The following DMAC2L variants were observed in gnomAD, a reference collection of about 807,000 sequenced individuals.
The protein encoded by DMAC2L is ATP synthase subunit s, mitochondrial.
A neutral mutation model predicts 22.5 loss-of-function variants in DMAC2L; 21 were observed. That is an observed-to-expected ratio of 0.93 (90% confidence interval 0.66 to 1.34). The LOEUF is 1.34. Ranked by LOEUF, DMAC2L falls within the 40% of genes most tolerant of loss-of-function variation. The pLI is 0.00. For synonymous variants in DMAC2L, 86 were observed against 89.5 expected, an observed-to-expected ratio of 0.96 and a Z score of 0.22; for missense variants, 239 against 246.5, an observed-to-expected ratio of 0.97 and a Z score of 0.20.
rs1003182439 is a variant in DMAC2L at position 50,326,887 on chromosome 14, A to T, written c.*1164A>T. The T allele has an allele frequency of 1.1e-5, 4 of 369,046 alleles. No homozygotes were observed. Among genetic ancestry groups the T allele is most frequent in the East Asian group, 1.6e-4 (1 of 6,092 alleles). 22.9% of individuals were successfully genotyped at this position (369,046 alleles called of 1,614,324 possible). ...GAGACCCCATCTCTAAAAAAATTTT[A>T]AAAATTAGGCAGGCATGGTGGTGCA... On this transcript the variant is annotated 3_prime_UTR_variant, in exon 6 of 6. Transcript: ENST00000557421.
At chr14:50,325,527 A>G in intron 5 of DMAC2L, 82 bp from the exon 6 acceptor site, 3 of 1,446,900 alleles carry the variant, frequency 2.1e-6, no homozygotes, top group Non-Finnish European at 9.4e-7. Flanking sequence ...TTTCTACATA[A>G]TTTTCTTTCT....
chr14:50,318,005 A>C (rs539386867), intron 2 of DMAC2L, among the ~76,000 whole-genome samples: 5 of 152,270 alleles, frequency 3.3e-5, no homozygotes, highest in African/African-American at 9.6e-5. Context: ...TGAGATGATC[A>C]TGTGATTTTT....
At position 50,323,961 on chromosome 14, in the gene DMAC2L, T is replaced by C; in HGVS notation, c.333T>C (p.Val111=). 1 of 1,610,910 alleles carries C rather than the reference T, an allele frequency of 6.2e-7. No individual in the cohort carries two copies. Among genetic ancestry groups the C allele is most frequent in the South Asian group, 1.1e-5 (1 of 90,438 alleles). ...TCTCCCCAGAGGGCCTAGAGCATGT[T>C]GAAAAAATAAGGCTGTGCAAGTGTC... ...GFDHMEGLEH[V]EKIRLCKCHY... Residue 111 remains valine, a synonymous_variant, in exon 5 of 6, where the codon GTT becomes GTC. Transcript: ENST00000557421.
At chr14:50,322,432 T>C in intron 3 of DMAC2L, 79 bp from the exon 4 acceptor site, 3 of 1,402,716 alleles carry the variant, frequency 2.1e-6, no homozygotes, top group Non-Finnish European at 2.9e-6. Flanking sequence ...TTGCGTTCTG[T>C]ATTATTTATG....
At chr14:50,321,363 T>C (rs528684512) in intron 2 of DMAC2L, 120 bp from the exon 3 acceptor site, 300 of 1,404,348 alleles carry the variant, frequency 2.1e-4, no homozygotes, top group Non-Finnish European at 2.6e-4. Context: ...TGCTCAGTAA[T>C]TGTTGAGTGG....
intron 4 of DMAC2L, 102 bp downstream of exon 4, chr14:50,322,821 C>G: frequency 6.4e-7 from 1 of 1,555,480 alleles, no homozygotes; most frequent in Non-Finnish European, 8.7e-7. Context: ...GTCCTTTTTG[C>G]CCATTTCATT....
At chr14:50,322,291 T>G (rs1044918959) in intron 3 of DMAC2L, among the ~76,000 whole-genome samples, 16 of 152,232 alleles carry the variant, frequency 1.1e-4, no homozygotes. Context: ...TTGACAGCGT[T>G]CACGTGGAAA....
chr14:50,312,395 T>G lies in DMAC2L; in HGVS notation c.-42+6T>G, dbSNP rs988646066. 3.6e-6 allele frequency: 2 copies of G among 555,796 alleles called. No homozygotes were observed. The highest frequency in any genetic ancestry group is 6.4e-6 in the Non-Finnish European group (2 of 312,914). 34.4% of individuals were successfully genotyped at this position (555,796 alleles called of 1,614,324 possible). ...CCCTCCCTCCCTCCGACGCTGTGAG[T>G]AGAGAAGCTAGGCCCCGAGCCGGGC... On this transcript the variant is annotated splice_donor_region_variant and intron_variant, in intron 1 of 5. Coordinates refer to ENST00000557421, the MANE Select transcript of DMAC2L (RefSeq NM_001382507.1).
chr14:50,324,172 G>A, intron 5 of DMAC2L, 56 bp downstream of exon 5: 2 of 1,492,816 alleles, frequency 1.3e-6, no homozygotes, highest in Non-Finnish European at 1.8e-6. Flanking sequence ...TGAATAGTTA[G>A]AATTTAATTG....
In DMAC2L at chr14:50,320,360, C is replaced by T. The variant is rs1160378271; in HGVS notation, c.-5-1123C>T. 7.9e-5 allele frequency among the ~76,000 whole-genome samples: 12 copies of T among 152,258 alleles called. No homozygotes were observed. In the East Asian group the frequency reaches 2.3e-3, roughly 29 times the overall value. ...TCCTGACCTCGTGATCTGCCTGCCT[C>T]GGCCTCCCAAAGGGCCAGTGCTTTG... On this transcript the variant is annotated intron_variant, in intron 2 of 5. Coordinates refer to ENST00000557421, the MANE Select transcript of DMAC2L (RefSeq NM_001382507.1).
At chr14:50,322,996 G>A (rs2032408031) in intron 4 of DMAC2L, 3 of 1,322,550 alleles carry the variant, frequency 2.3e-6, no homozygotes, top group South Asian at 3.9e-5. Context: ...AACTATCTTT[G>A]TCAAACTTCT....
chr14:50,325,910 G>T lies in DMAC2L; in HGVS notation c.*187G>T. 8.1e-7 allele frequency: 1 copy of T among 1,236,810 alleles called. No homozygotes were observed. Among genetic ancestry groups the T allele is most frequent in the Non-Finnish European group, 1.0e-6 (1 of 984,266 alleles). 76.6% of individuals were successfully genotyped at this position (1,236,810 alleles called of 1,614,324 possible). On this transcript the variant is annotated 3_prime_UTR_variant, in exon 6 of 6. Transcript: ENST00000557421. ...TCATTAATGTTACTAAGTTGGAAGT[G>T]AGAATTTATGAACATTAATTCATTT...
Position 50,321,536 on chromosome 14 carries a change from C to T in DMAC2L, c.49C>T (p.Leu17Phe). 6.2e-7 allele frequency: 1 copy of T among 1,614,084 alleles called. No homozygotes were observed. Among genetic ancestry groups the T allele is most frequent in the Non-Finnish European group, 8.5e-7 (1 of 1,179,976 alleles). ...CCAGCAGTTGTGTGGCGTAAAGAAA[C>T]TCCCATGGTCATGTGACTCCAGATA... ...ISQQLCGVKK[L>F]PWSCDSRYFW... Residue 17 changes from leucine to phenylalanine, a missense_variant, in exon 3 of 6, where the codon CTC becomes TTC. Physicochemically the swap from Leu to Phe is conservative, Grantham distance 22. Transcript: ENST00000557421.
Position 50,322,571 on chromosome 14 carries a change from G to A in DMAC2L, c.168G>A (p.Leu56=). The change falls in exon 4 of 6, where the codon CTG becomes CTA. Residue 56 remains leucine (L), a synonymous_variant. Transcript: ENST00000557421. ...GPDRAASEWL[L]RCGAMVRYHG... ...ACAGGGCGGCATCCGAGTGGTTGCT[G>A]CGCTGTGGGGCCATGGTGCGCTACC... 1 of 1,614,146 alleles carries A rather than the reference G, an allele frequency of 6.2e-7. No individual in the cohort carries two copies. The highest frequency in any genetic ancestry group is 8.5e-7 in the Non-Finnish European group (1 of 1,180,006).
chr14:50,323,454 C>T (rs996762320), intron 4 of DMAC2L, among the ~76,000 whole-genome samples: 4 of 137,676 alleles, frequency 2.9e-5, no homozygotes, highest in East Asian at 4.7e-4. Context: ...AGTGCAGTGG[C>T]GTGATCTTGG....
intron 5 of DMAC2L, among the ~76,000 whole-genome samples, chr14:50,325,025 C>T (rs1212073221): frequency 6.6e-5 from 10 of 152,216 alleles, no homozygotes; most frequent in African/African-American, 2.2e-4. Flanking sequence ...CCGCCCGCCT[C>T]GGCCTCCCAA....
At chr14:50,312,229 C>T (rs2031280733), upstream of DMAC2L, 11 of 1,565,340 alleles carry the variant, frequency 7.0e-6, no homozygotes, top group South Asian at 1.2e-5. Flanking sequence ...CGCTCTTTAG[C>T]CCCGCCCCTC....
chr14:50,321,251 A>T, intron 2 of DMAC2L: 1 of 579,190 alleles, frequency 1.7e-6, no homozygotes, highest in Non-Finnish European at 2.4e-6. Context: ...AGTGGAACTT[A>T]ACGTTCTAGC....
At position 50,327,704 on chromosome 14, in the gene DMAC2L, C is replaced by T. The variant is rs1322205655; in HGVS notation, c.*1981C>T. On this transcript the variant is annotated 3_prime_UTR_variant, in exon 6 of 6. Coordinates refer to ENST00000557421, the MANE Select transcript of DMAC2L (RefSeq NM_001382507.1). ...GGTCTTGAACTCCTAACCTCAGGAT[C>T]CACCCGCCTCGGCCTCCCAAAGTGC... 3.9e-5 allele frequency: 6 copies of T among 152,184 alleles called. No homozygotes were observed. In the South Asian group the frequency reaches 6.2e-4, roughly 16 times the overall value. The allele number at this position is 152,184 out of a possible 1,614,324, so 9.4% of individuals were successfully genotyped here.
Sources: allele counts gnomAD v4.1 joint callset (sites outside exome capture counted in the v4.1 genomes callset), GRCh38; gene constraint gnomAD v4.1.1; transcripts MANE v1.5; gene names NCBI Gene and HGNC (gene_info 2026-07-23, HGNC 2026-07-21).